Variants in PSMC2 observed in about 807,000 individuals in gnomAD.
PSMC2 encodes proteasome 26S subunit, ATPase 2, also known as 26S proteasome regulatory subunit 7.
PSMC2 carries 7 observed loss-of-function variants against 53.3 expected under a neutral mutation model. The ratio of observed to expected loss-of-function variants is 0.13; its 90% CI spans 0.07 to 0.25. The LOEUF is 0.25. Ranked by LOEUF, PSMC2 falls within the 10% of genes least tolerant of loss-of-function variation. The pLI is 1.00. For synonymous variants in PSMC2, 169 were observed against 183.9 expected (o/e 0.92, Z 0.66); for missense variants, 241 against 544.0 (o/e 0.44, Z 5.54).
At position 103,364,152 on chromosome 7, in the gene PSMC2, T is replaced by C; in HGVS notation, c.601T>C (p.Phe201Leu). 1 of 1,613,868 alleles carries C rather than the reference T, an allele frequency of 6.2e-7. No homozygotes were observed. Among genetic ancestry groups the C allele is most frequent in the Non-Finnish European group, 8.5e-7 (1 of 1,179,954 alleles). Residue 201 changes from phenylalanine to leucine, a missense_variant, in exon 8 of 12, where the codon TTT (phenylalanine) becomes CTT (leucine). Phe to Leu is a conservative substitution (Grantham distance 22). Around this residue, in one of 6 missense-constraint regions of PSMC2, gnomAD observed 75 missense variants for 185.1 expected, o/e 0.41. Coordinates refer to ENST00000292644, the MANE Select transcript of PSMC2 (RefSeq NM_002803.4). ...VETPLLHPERFVNLGIEPPKG... is the reference protein window; with the variant it reads ...VETPLLHPERLVNLGIEPPKG... Reference sequence around the variant, plus strand: ...TGTGTCTCTATCACAGCCAGAGAGGTTTGTGAACCTTGGCATTGAGCCTCC... The same window carrying C: ...TGTGTCTCTATCACAGCCAGAGAGGCTTGTGAACCTTGGCATTGAGCCTCC...
At chr7:103,348,849 A>G in intron 1 of PSMC2, 1 of 568,456 alleles carries the variant, frequency 1.8e-6, no homozygotes, top group Non-Finnish European at 3.2e-6. Flanking sequence ...TAAAATAAAC[A>G]TTTAAAAAAA....
chr7:103,350,343 C>T (rs1819699643), intron 1 of PSMC2, among the ~76,000 whole-genome samples: 1 of 152,112 alleles, frequency 6.6e-6, no homozygotes, highest in African/African-American at 2.4e-5. Flanking sequence ...TTTTTCCTAT[C>T]TGTAATGTAG....
intron 4 of PSMC2, among the ~76,000 whole-genome samples, chr7:103,359,058 G>T (rs577319984): frequency 6.9e-6 from 1 of 144,874 alleles, no homozygotes; most frequent in African/African-American, 2.6e-5. Flanking sequence ...ATCTCAGCTC[G>T]CTGCAGCCTC....
intron 8 of PSMC2, among the ~76,000 whole-genome samples, chr7:103,365,350 G>T (rs773044515): frequency 3.3e-5 from 5 of 152,128 alleles, no homozygotes; most frequent in African/African-American, 4.8e-5. Context: ...AGTTTAGATA[G>T]GCCAGGCACG....
In PSMC2 at chr7:103,360,947, A is replaced by T. The variant is rs532091958; in HGVS notation, c.291-1010A>T. ...GCCAACATGGTGAAACCCCGTATATATTAAAAATACAAAACAATTAGCCGG... is the reference window on the plus strand; with the variant it reads ...GCCAACATGGTGAAACCCCGTATATTTTAAAAATACAAAACAATTAGCCGG... On this transcript the variant is annotated intron_variant, in intron 4 of 11. Transcript: ENST00000292644. Among the ~76,000 whole-genome samples, 7 of 152,124 alleles carry T rather than the reference A, an allele frequency of 4.6e-5. No homozygotes were observed. In the East Asian group the frequency reaches 1.4e-3, roughly 30 times the overall value.
chr7:103,360,337 C>T (rs1820307508), intron 4 of PSMC2, among the ~76,000 whole-genome samples: 1 of 152,098 alleles, frequency 6.6e-6, no homozygotes, highest in Non-Finnish European at 1.5e-5. Flanking sequence ...TCTTGTTTTT[C>T]CTTTCAGGTT....
chr7:103,355,191 G>T (rs552211552), intron 3 of PSMC2, among the ~76,000 whole-genome samples: 1 of 152,162 alleles, frequency 6.6e-6, no homozygotes, highest in Non-Finnish European at 1.5e-5. Context: ...TAATATTTCT[G>T]TTGGTCAAAA....
chr7:103,362,737 C>T lies in PSMC2; in HGVS notation c.474C>T (p.Asp158=). 6.2e-7 allele frequency: 1 copy of T among 1,603,386 alleles called. No individual in the cohort carries two copies. Among genetic ancestry groups the T allele is most frequent in the Non-Finnish European group, 8.5e-7 (1 of 1,170,826 alleles). The stretch of plus-strand genomic sequence containing the variant: ...ACATTCCATTGCCTCCTAAGATTGA[C>T]CCAACAGTTACCATGATGCAGGTAA... The part of the protein sequence containing the change: ...QIHIPLPPKI[D]PTVTMMQVEE... The change falls in exon 6 of 12, where the codon GAC becomes GAT. Residue 158 remains aspartate, a synonymous_variant. Coordinates refer to ENST00000292644, the MANE Select transcript of PSMC2 (RefSeq NM_002803.4).
chr7:103,347,869 TGG>T, intron 1 of PSMC2, 88 bp downstream of exon 1: 1 of 1,455,662 alleles, frequency 6.9e-7, no homozygotes, highest in Non-Finnish European at 9.6e-7. Context: ...TTCCCGCTCC[TGG>T]CTCTGTGCTC....
chr7:103,362,950 C>T (rs1212688040), intron 6 of PSMC2, among the ~76,000 whole-genome samples, 192 bp downstream of exon 6: 4 of 151,788 alleles, frequency 2.6e-5, no homozygotes, highest in Admixed American at 1.3e-4. Flanking sequence ...CCCGCCACCA[C>T]GCCCAGCTAA....
chr7:103,354,527 T>C (rs1301753430), intron 2 of PSMC2, among the ~76,000 whole-genome samples: 1 of 151,886 alleles, frequency 6.6e-6, no homozygotes, highest in East Asian at 1.9e-4. Flanking sequence ...CACCACCACG[T>C]CTGGCTAATT....
chr7:103,356,681 A>C (rs574885189), intron 4 of PSMC2, among the ~76,000 whole-genome samples: 64 of 152,280 alleles, frequency 4.2e-4, no homozygotes, highest in Non-Finnish European at 8.4e-4. Context: ...TATATTGTAC[A>C]TATTGTCTTT....
intron 1 of PSMC2, 130 bp downstream of exon 1, chr7:103,347,911 C>G: frequency 1.0e-6 from 1 of 954,180 alleles, no homozygotes; most frequent in Non-Finnish European, 1.6e-6. Flanking sequence ...GTAATTTAGT[C>G]TGGACACCGG....
chr7:103,349,675 C>T (rs1031759054), intron 1 of PSMC2, among the ~76,000 whole-genome samples: 3 of 152,182 alleles, frequency 2.0e-5, no homozygotes, highest in African/African-American at 7.2e-5. Flanking sequence ...GTCTTGAACT[C>T]CTGACCTCAG....
chr7:103,350,502 AT>A (rs1316682203), intron 1 of PSMC2, among the ~76,000 whole-genome samples: 1 of 152,006 alleles, frequency 6.6e-6, no homozygotes, highest in African/African-American at 2.4e-5. Context: ...TTATATATTT[AT>A]TTTTAGAGAC....
chr7:103,362,221 A>G (rs932175321), intron 5 of PSMC2, 133 bp downstream of exon 5: 2 of 1,474,154 alleles, frequency 1.4e-6, no homozygotes, highest in Non-Finnish European at 1.8e-6. Context: ...AATGTACTAT[A>G]GTTGAAAATT....
At chr7:103,364,933 G>C (rs1383221059) in intron 8 of PSMC2, among the ~76,000 whole-genome samples, 2 of 125,424 alleles carry the variant, frequency 1.6e-5, no homozygotes, top group East Asian at 4.8e-4. Context: ...TGAGAACATA[G>C]GTTGTTTTTA....
chr7:103,362,687 G>A lies in PSMC2; in HGVS notation c.424G>A (p.Val142Met). Residue 142 changes from valine (V) to methionine (M), a missense_variant and splice_region_variant, in exon 6 of 12, where the codon GTG (valine) becomes ATG (methionine). Val to Met is a conservative substitution (Grantham distance 21). This residue lies in a region of PSMC2 where 75 missense variants were observed against 185.1 expected (regional missense o/e 0.41). Transcript: ENST00000292644. ...TDIEEGMRVG[V>M]DRNKYQIHIP... ...TGACTATCTTTTTTACTTCCTTAGC[G>A]TGGATAGAAATAAATATCAAATTCA... is the stretch of plus-strand genomic sequence containing the variant. 1.9e-6 allele frequency: 3 copies of A among 1,600,930 alleles called. No homozygotes were observed. The highest frequency in any genetic ancestry group is 2.6e-6 in the Non-Finnish European group (3 of 1,168,406).
intron 4 of PSMC2, among the ~76,000 whole-genome samples, chr7:103,357,326 C>CA (rs762310758): frequency 0.072 from 5,602 of 77,592 alleles, 122 homozygotes; most frequent in Middle Eastern, 0.15. Flanking sequence ...TACTCTGTCT[C>CA]AAAAAAAAAA....
Sources: gnomAD v4.1 joint callset for allele counts (sites outside exome capture counted in the v4.1 genomes callset) on GRCh38, gnomAD v4.1.1 for gene constraint, gnomAD v4.1.1 regional missense constraint, MANE v1.5 for transcripts, NCBI Gene and HGNC (gene_info 2026-07-23, HGNC 2026-07-21) for gene names.